DPP10: variants seen among roughly 807,000 people sequenced by gnomAD.
DPP10 encodes the protein dipeptidyl peptidase like 10.
A neutral mutation model predicts 120.9 loss-of-function variants in DPP10; 33 were observed. That is an observed-to-expected ratio of 0.27 (90% CI 0.21 to 0.37). The LOEUF (loss-of-function observed/expected upper bound fraction) is 0.37. Ranked by LOEUF, DPP10 falls within the 10% of genes least tolerant of loss-of-function variation. The probability of loss-of-function intolerance (pLI) is 1.00; values close to 1 mark genes in which losing one functional copy is unlikely to be tolerated. For synonymous variants in DPP10, 337 were observed against 326.1 expected, an observed-to-expected ratio of 1.03 and a Z score of -0.36; for missense variants, 816 against 942.8, an observed-to-expected ratio of 0.87 and a Z score of 1.76.
intron 10 of DPP10, among the ~76,000 whole-genome samples, chr2:115,749,266 T>A (rs1422792736): frequency 6.6e-6 from 1 of 152,208 alleles, no homozygotes; most frequent in Non-Finnish European, 1.5e-5. Flanking sequence ...TTTCCACAGA[T>A]TGGATAAGTC....
intron 1 of DPP10, among the ~76,000 whole-genome samples, chr2:115,066,192 T>C (rs1473295971): frequency 6.6e-6 from 1 of 152,194 alleles, no homozygotes; most frequent in African/African-American, 2.4e-5. Flanking sequence ...CATTAACTTA[T>C]TCATTTTATA....
chr2:115,454,999 A>G (rs976540509), intron 3 of DPP10, among the ~76,000 whole-genome samples: 9 of 151,174 alleles, frequency 6.0e-5, no homozygotes, highest in Admixed American at 6.0e-4. Flanking sequence ...AATTAAGAAT[A>G]TAATGTAAAT....
intron 1 of DPP10, among the ~76,000 whole-genome samples, chr2:115,056,008 C>G (rs1285785907): frequency 6.6e-6 from 1 of 152,044 alleles, no homozygotes; most frequent in African/African-American, 2.4e-5. Flanking sequence ...ATAAAGAATG[C>G]AATAGTCATA....
At chr2:114,643,317 G>A (rs1695853897) in intron 1 of DPP10, among the ~76,000 whole-genome samples, 1 of 151,862 alleles carries the variant, frequency 6.6e-6, no homozygotes, top group Non-Finnish European at 1.5e-5. Flanking sequence ...ATTTACAAAA[G>A]CAGTTATCTT....
chr2:115,404,157 G>T (rs1293833902), intron 3 of DPP10, among the ~76,000 whole-genome samples: 1 of 152,084 alleles, frequency 6.6e-6, no homozygotes, highest in Non-Finnish European at 1.5e-5. Flanking sequence ...AAAGCATGAT[G>T]CTGGCATCTG....
intron 1 of DPP10, among the ~76,000 whole-genome samples, chr2:114,996,959 C>A (rs565162010): frequency 5.6e-5 from 7 of 125,124 alleles, no homozygotes; most frequent in African/African-American, 2.2e-4. Flanking sequence ...TCTAGCCTGG[C>A]GACAGAGCAA....
chr2:114,824,023 C>T (rs1686319014), intron 1 of DPP10, among the ~76,000 whole-genome samples: 1 of 152,172 alleles, frequency 6.6e-6, no homozygotes, highest in Non-Finnish European at 1.5e-5. Flanking sequence ...AAGATAAAGT[C>T]ACATCTCCAT....
At chr2:114,452,883 G>A (rs1254445318) in intron 1 of DPP10, among the ~76,000 whole-genome samples, 1 of 151,960 alleles carries the variant, frequency 6.6e-6, no homozygotes, top group Admixed American at 6.6e-5. Flanking sequence ...TTCCATAATT[G>A]GCCTGCAGAC....
At chr2:115,009,695 C>G (rs1408686953) in intron 1 of DPP10, among the ~76,000 whole-genome samples, 1 of 151,934 alleles carries the variant, frequency 6.6e-6, no homozygotes, top group Admixed American at 6.5e-5. Flanking sequence ...TTGATGGGTG[C>G]AGCAAACCAC....
At position 115,683,998 on chromosome 2, in the gene DPP10, A is replaced by C. The variant is rs6729909; in HGVS notation, c.442-5689A>C. ...AGTAATTGATTTTAAATGCCATCCAAACCTGAAGGATAGAAAATATCCTTT... is the reference window on the plus strand; with the variant it reads ...AGTAATTGATTTTAAATGCCATCCACACCTGAAGGATAGAAAATATCCTTT... On this transcript the variant is annotated intron_variant, in intron 5 of 25. Transcript: ENST00000410059. Among the ~76,000 whole-genome samples the C allele has an allele frequency of 4.3e-3, 647 of 151,998 alleles. 6 individuals are homozygous for C. Among genetic ancestry groups the C allele is most frequent in the African/African-American group, 0.015 (623 of 41,516 alleles).
intron 7 of DPP10, among the ~76,000 whole-genome samples, chr2:115,716,494 T>C (rs1038915188): frequency 4.6e-5 from 7 of 152,186 alleles, no homozygotes; most frequent in Non-Finnish European, 8.8e-5. Flanking sequence ...TCTAACTGCC[T>C]TTTATTGCGG....
chr2:115,797,317 G>T (rs1684649866), intron 19 of DPP10, among the ~76,000 whole-genome samples: 1 of 151,956 alleles, frequency 6.6e-6, no homozygotes, highest in Non-Finnish European at 1.5e-5. Flanking sequence ...GGTTTTCGCA[G>T]ATCAGATTGT....
At chr2:115,576,864 C>T (rs990717407) in intron 5 of DPP10, among the ~76,000 whole-genome samples, 2 of 152,192 alleles carry the variant, frequency 1.3e-5, no homozygotes, top group Non-Finnish European at 2.9e-5. Context: ...AGAGTAATCT[C>T]TCATGCATCT....
intron 1 of DPP10, among the ~76,000 whole-genome samples, chr2:115,146,813 C>A (rs1179776308): frequency 1.3e-5 from 2 of 152,104 alleles, no homozygotes; most frequent in Non-Finnish European, 2.9e-5. Flanking sequence ...AGACAGGTAG[C>A]TTGCTCCTTC....
intron 1 of DPP10, 70 bp downstream of exon 1, chr2:114,442,908 A>G: frequency 1.9e-6 from 3 of 1,580,070 alleles, no homozygotes; most frequent in Middle Eastern, 1.7e-4. Context: ...ATGGGCATTG[A>G]TATATCGGGG....
intron 3 of DPP10, among the ~76,000 whole-genome samples, chr2:115,354,207 ATACCAGGTTGT>A (rs1175736563): frequency 6.6e-6 from 1 of 152,138 alleles, no homozygotes; most frequent in African/African-American, 2.4e-5. Flanking sequence ...TTACCTGGGT[ATACCAGGTTGT>A]TACCTGGGTG....
intron 8 of DPP10, among the ~76,000 whole-genome samples, chr2:115,728,200 A>C (rs1379651653): frequency 6.6e-6 from 1 of 152,000 alleles, no homozygotes; most frequent in Non-Finnish European, 1.5e-5. Flanking sequence ...CAACTAATGA[A>C]AGTAAATGGT....
intron 20 of DPP10, 109 bp from the exon 21 acceptor site, chr2:115,815,566 A>G: frequency 2.1e-6 from 2 of 945,204 alleles, no homozygotes; most frequent in Middle Eastern, 2.9e-4. Flanking sequence ...CAGTTAGTAA[A>G]GCATTTCTAG....
At chr2:114,941,761 C>G (rs1366172329) in intron 1 of DPP10, among the ~76,000 whole-genome samples, 2 of 152,070 alleles carry the variant, frequency 1.3e-5, no homozygotes, top group African/African-American at 4.8e-5. Flanking sequence ...TGTTGACAAG[C>G]AATCAAAAAG....
Sources: allele counts gnomAD v4.1 joint callset (sites outside exome capture counted in the v4.1 genomes callset), GRCh38; gene constraint gnomAD v4.1.1; transcripts MANE v1.5; gene names NCBI Gene and HGNC (gene_info 2026-07-23, HGNC 2026-07-21).